The following CACNA1E variants were observed in gnomAD, a reference collection of about 807,000 sequenced individuals.
CACNA1E encodes the protein voltage-dependent R-type calcium channel subunit alpha-1E.
A neutral mutation model predicts 259.2 loss-of-function variants in CACNA1E; 40 were observed. The ratio of observed to expected loss-of-function variants is 0.15; its 90% CI spans 0.12 to 0.20. CACNA1E has a LOEUF of 0.20. Among genes scored for constraint, CACNA1E ranks in the 10% least tolerant of loss-of-function variants. The probability of loss-of-function intolerance (pLI) is 1.00; values close to 1 mark genes in which losing one functional copy is unlikely to be tolerated. For synonymous variants in CACNA1E, 1,104 were observed against 1,138.5 expected, an observed-to-expected ratio of 0.97 and a Z score of 0.61; for missense variants, 1,874 against 3,040.1, an observed-to-expected ratio of 0.62 and a Z score of 9.02.
intron 6 of CACNA1E, among the ~76,000 whole-genome samples, chr1:181,600,900 G>C (rs890536300): frequency 1.3e-5 from 2 of 152,132 alleles, no homozygotes; most frequent in African/African-American, 4.8e-5. Flanking sequence ...AGAAGGCATA[G>C]ACAGAGAAGA....
intron 7 of CACNA1E, among the ~76,000 whole-genome samples, chr1:181,657,435 A>G (rs1191100320): frequency 6.6e-6 from 1 of 152,216 alleles, no homozygotes; most frequent in Non-Finnish European, 1.5e-5. Flanking sequence ...GAAACAGGTA[A>G]AAGAGTTGAA....
intron 6 of CACNA1E, among the ~76,000 whole-genome samples, chr1:181,603,452 ATTG>A (rs2103073834): frequency 6.6e-6 from 1 of 152,164 alleles, no homozygotes; most frequent in African/African-American, 2.4e-5. Flanking sequence ...GATGTGTGGT[ATTG>A]TTGTGGGGAG....
At chr1:181,784,440 C>A (rs1660692524) in intron 40 of CACNA1E, among the ~76,000 whole-genome samples, 1 of 152,196 alleles carries the variant, frequency 6.6e-6, no homozygotes. Flanking sequence ...GGCCTCAGAT[C>A]TCTTGGCAGG....
At chr1:181,363,624 A>G (rs867407448) in intron 1 of CACNA1E, among the ~76,000 whole-genome samples, 73 of 149,288 alleles carry the variant, frequency 4.9e-4, no homozygotes, top group African/African-American at 1.6e-3. Flanking sequence ...TGCACAAAAC[A>G]GTTTGTCAAC....
intron 3 of CACNA1E, among the ~76,000 whole-genome samples, chr1:181,541,433 T>C (rs1220705757): frequency 6.6e-6 from 1 of 151,282 alleles, no homozygotes; most frequent in African/African-American, 2.4e-5. Flanking sequence ...CCCCATTAGA[T>C]AGGTAGACAA....
rs768293768 is a variant in CACNA1E at position 181,732,558 on chromosome 1, C to T, written c.2472C>T (p.Pro824=). 1.6e-4 allele frequency: 242 copies of T among 1,543,716 alleles called. No homozygotes were observed. The highest frequency in any genetic ancestry group is 1.9e-4 in the Non-Finnish European group (222 of 1,143,478). ...LSSLNPLNAH[P]SLYRRPRAIE... is the part of the protein sequence containing the mutation. Reference sequence around the variant, plus strand: ...CCCTCAACCCGCTCAATGCCCACCCCAGCCTTTATCGGCGACCCAGGGCCA... The same window carrying T: ...CCCTCAACCCGCTCAATGCCCACCCTAGCCTTTATCGGCGACCCAGGGCCA... The change falls in exon 20 of 48, where the codon CCC becomes CCT. Residue 824 remains proline, a synonymous_variant. Transcript: ENST00000367573. The surrounding 1 kb of genome is among the most constrained non-coding windows in gnomAD (Gnocchi z 5.5).
rs541372461 is a variant in CACNA1E, at chr1:181,511,907, G to A, written c.512+397G>A. Among the ~76,000 whole-genome samples, 5 of 152,340 alleles carry A rather than the reference G, an allele frequency of 3.3e-5. No individual in the cohort carries two copies. The South Asian group carries it at 6.2e-4, about 19-fold the overall frequency. On this transcript the variant is annotated intron_variant, in intron 3 of 47. Transcript: ENST00000367573. ...GCACCTCCAAGACGGGCCAAAAGATGTAGTCAAATGCAGCTTCTTTTGGGC... is the reference window on the plus strand; with the variant it reads ...GCACCTCCAAGACGGGCCAAAAGATATAGTCAAATGCAGCTTCTTTTGGGC...
At position 181,711,076 on chromosome 1, in the gene CACNA1E, C is replaced by CT. The variant is rs1653304099; in HGVS notation, c.1171+8dup. ...GCCTGGATAGACAAAGCAGGTAGGC[C>CT]TGGGGGGCTGCAGGAGGCTGGTGAG... On this transcript the variant is annotated splice_region_variant and intron_variant, in intron 8 of 47. Transcript: ENST00000367573. 1 of 1,593,068 alleles carries CT rather than the reference C, an allele frequency of 6.3e-7. No homozygotes were observed. The highest frequency in any genetic ancestry group is 1.3e-5 in the African/African-American group (1 of 74,612).
chr1:181,572,644 G>T (rs1369332311), intron 3 of CACNA1E, among the ~76,000 whole-genome samples: 1 of 152,148 alleles, frequency 6.6e-6, no homozygotes, highest in African/African-American at 2.4e-5. Context: ...TGCTCTTGAG[G>T]AGCACAGATA....
chr1:181,355,549 A>G (rs1371876250), intron 1 of CACNA1E, among the ~76,000 whole-genome samples: 2 of 152,116 alleles, frequency 1.3e-5, no homozygotes, highest in East Asian at 1.9e-4. Context: ...AATCGCACCA[A>G]TACAACCCAG....
chr1:181,468,805 G>C (rs1463595239), intron 2 of CACNA1E, among the ~76,000 whole-genome samples: 1 of 152,156 alleles, frequency 6.6e-6, no homozygotes, highest in African/African-American at 2.4e-5. Context: ...AAGGGAGAAA[G>C]AAAATGAGAA....
intron 6 of CACNA1E, among the ~76,000 whole-genome samples, chr1:181,616,344 TG>T (rs918362546): frequency 5.1e-5 from 6 of 117,198 alleles, no homozygotes; most frequent in African/African-American, 7.5e-5. Flanking sequence ...TGTTTTGTTT[TG>T]TTTTTTTTGT....
chr1:181,634,851 C>T (rs1340085474), intron 6 of CACNA1E, among the ~76,000 whole-genome samples: 1 of 152,176 alleles, frequency 6.6e-6, no homozygotes, highest in Non-Finnish European at 1.5e-5. Context: ...AGTAACCCAT[C>T]CCTGCTCTCT....
chr1:181,395,714 C>T (rs1055546439), intron 1 of CACNA1E, among the ~76,000 whole-genome samples: 11 of 152,146 alleles, frequency 7.2e-5, no homozygotes, highest in South Asian at 2.1e-4. Flanking sequence ...CTTAAAGAAT[C>T]GAGGCAGAAG....
Position 181,501,082 on chromosome 1 carries a change from G to T in CACNA1E, c.267-9395G>T, listed in dbSNP as rs115865013. On this transcript the variant is annotated intron_variant, in intron 1 of 47. Coordinates refer to ENST00000367573, the MANE Select transcript of CACNA1E (RefSeq NM_001205293.3). ...CAGGTAATTTTCCCACTGCTGTTTTGTTTTCTTCCAGAGGCTTTTAATGCT... is the reference window on the plus strand; with the variant it reads ...CAGGTAATTTTCCCACTGCTGTTTTTTTTTCTTCCAGAGGCTTTTAATGCT... Among the ~76,000 whole-genome samples, 1,355 of 152,260 alleles carry T rather than the reference G, an allele frequency of 8.9e-3. 17 individuals carry two copies. The highest frequency in any genetic ancestry group is 0.03 in the African/African-American group (1,264 of 41,540).
intron 1 of CACNA1E, among the ~76,000 whole-genome samples, chr1:181,395,457 G>A (rs1471064089): frequency 6.6e-6 from 1 of 152,182 alleles, no homozygotes; most frequent in Non-Finnish European, 1.5e-5. Flanking sequence ...AGAAAGGTCT[G>A]AGCTGAGTTA....
At chr1:181,537,044 A>T (rs1572137105) in intron 3 of CACNA1E, among the ~76,000 whole-genome samples, 1 of 148,638 alleles carries the variant, frequency 6.7e-6, no homozygotes, top group African/African-American at 2.5e-5. Flanking sequence ...CTACATTTAG[A>T]GTGGTCATAT....
intron 1 of CACNA1E, among the ~76,000 whole-genome samples, chr1:181,348,273 T>TGGTCAGCATGCCCAA (rs1652769786): frequency 6.6e-6 from 1 of 152,042 alleles, no homozygotes; most frequent in African/African-American, 2.4e-5. Context: ...TCAGCAGGGC[T>TGGTCAGCATGCCCAA]GGTCAGCATG....
intron 2 of CACNA1E, among the ~76,000 whole-genome samples, chr1:181,467,081 A>G (rs549801170): frequency 2.6e-5 from 4 of 152,224 alleles, no homozygotes; most frequent in Non-Finnish European, 4.4e-5. Flanking sequence ...AGCTAATGGC[A>G]GTTCACTTAG....
Sources: allele counts gnomAD v4.1 joint callset (sites outside exome capture counted in the v4.1 genomes callset), GRCh38; gene constraint gnomAD v4.1.1; non-coding constraint Gnocchi (gnomAD v3.1); transcripts MANE v1.5; gene names NCBI Gene and HGNC (gene_info 2026-07-23, HGNC 2026-07-21).